Variants in FSIP2 observed in about 807,000 individuals in gnomAD.
FSIP2 encodes the protein fibrous sheath-interacting protein 2.
Under a neutral mutation model 510.5 loss-of-function variants are expected in FSIP2, and 367 were observed. The observed-to-expected ratio is 0.72, with a 90% CI of 0.66 to 0.78. FSIP2 has a LOEUF of 0.78. Among genes scored for constraint, FSIP2 ranks in the 30% least tolerant of loss-of-function variants. The probability of loss-of-function intolerance (pLI) is 0.00; values close to 1 mark genes in which losing one functional copy is unlikely to be tolerated. For missense variants in FSIP2, 7,594 were observed against 7,901.7 expected (o/e 0.96, Z 1.48); for synonymous variants, 2,601 against 2,732.2 (o/e 0.95, Z 1.50).
chr2:185,788,266 A>G (rs1270146200), intron 15 of FSIP2: 4 of 153,590 alleles, frequency 2.6e-5, no homozygotes, highest in Non-Finnish European at 5.8e-5. Flanking sequence ...AATTAGCTGG[A>G]TCATAAACAT....
intron 14 of FSIP2, among the ~76,000 whole-genome samples, chr2:185,784,977 CCTGA>C (rs1692933646): frequency 6.6e-6 from 1 of 152,042 alleles, no homozygotes; most frequent in South Asian, 2.1e-4. Context: ...TTTTCAGTTT[CCTGA>C]CTAATTTTAC....
Position 185,793,814 on chromosome 2 carries a change from T to A in FSIP2, c.6678T>A (p.Asp2226Glu), listed in dbSNP as rs1444211280. 14 of 1,532,792 alleles carry A rather than the reference T, an allele frequency of 9.1e-6. No homozygotes were observed. Among genetic ancestry groups the A allele is most frequent in the Non-Finnish European group, 1.2e-5 (14 of 1,145,348 alleles). 94.9% of individuals were successfully genotyped at this position (1,532,792 alleles called of 1,614,324 possible). Residue 2226 changes from aspartate (D) to glutamate (E), a missense_variant, in exon 16 of 23, where the codon GAT becomes GAA. Coordinates refer to ENST00000424728, the MANE Select transcript of FSIP2 (RefSeq NM_173651.4). Reference protein sequence around the residue: ...YSRNQKSAYADDNQITVVEKE... With the variant: ...YSRNQKSAYAEDNQITVVEKE... ...GAAATCAGAAATCAGCTTATGCTGA[T>A]GATAATCAGATAACTGTAGTAGAGA...
In FSIP2 at chr2:185,800,811, A is replaced by T; in HGVS notation, c.11505A>T (p.Thr3835=). 6.5e-7 allele frequency: 1 copy of T among 1,534,426 alleles called. No individual in the cohort carries two copies. Among genetic ancestry groups the T allele is most frequent in the Non-Finnish European group, 8.7e-7 (1 of 1,145,634 alleles). Residue 3835 remains threonine, a synonymous_variant, in exon 17 of 23, where the codon ACA becomes ACT. Transcript: ENST00000424728. ...CAGAAATTGATCAAGACTTATTGAC[A>T]TCAGACTCTATGCTTACTATTATTT... ...NVAEIDQDLL[T]SDSMLTIISH...
chr2:185,814,087 C>A (rs377302785), intron 18 of FSIP2, 45 bp downstream of exon 18: 1 of 1,541,956 alleles, frequency 6.5e-7, no homozygotes, highest in Non-Finnish European at 8.8e-7. Context: ...GGGGAGACAT[C>A]TTCACAAATC....
chr2:185,814,545 A>T (rs561375597), intron 18 of FSIP2, among the ~76,000 whole-genome samples: 2 of 152,162 alleles, frequency 1.3e-5, no homozygotes, highest in South Asian at 4.1e-4. Context: ...AAGTTAATTC[A>T]TATATTTTAA....
intron 14 of FSIP2, among the ~76,000 whole-genome samples, chr2:185,784,420 A>G (rs2105600027): frequency 6.6e-6 from 1 of 152,214 alleles, no homozygotes; most frequent in East Asian, 1.9e-4. Flanking sequence ...AGCATACACA[A>G]TGAATAACTT....
chr2:185,820,360 A>G (rs1250134961), intron 19 of FSIP2, among the ~76,000 whole-genome samples: 1 of 151,900 alleles, frequency 6.6e-6, no homozygotes, highest in Non-Finnish European at 1.5e-5. Flanking sequence ...CTGTGACTCA[A>G]TTAAACCTCT....
chr2:185,764,372 A>G, intron 12 of FSIP2, 130 bp from the exon 13 acceptor site: 1 of 535,438 alleles, frequency 1.9e-6, no homozygotes, highest in Non-Finnish European at 3.3e-6. Flanking sequence ...CATTTCTTAT[A>G]AATTGACATT....
chr2:185,758,750 C>T (rs1299394976), intron 9 of FSIP2, among the ~76,000 whole-genome samples: 2 of 151,172 alleles, frequency 1.3e-5, no homozygotes, highest in African/African-American at 4.8e-5. Context: ...GCTTTGGCAA[C>T]TTTGAAAATA....
rs1445316328 is a variant in FSIP2 at position 185,804,838 on chromosome 2, A to G, written c.15532A>G (p.Asn5178Asp). ...GATTCGACTTTCCATGGCAGAGGAT[A>G]ATGCAGAAAGTATGCAGTTAGAACC... ...HEIRLSMAED[N>D]AESMQLEPIE... The change falls in exon 17 of 23, where the codon AAT becomes GAT. Residue 5178 changes from asparagine to aspartate, a missense_variant. By Grantham distance (23) the Asn-to-Asp change is conservative. Transcript: ENST00000424728. The G allele has an allele frequency of 1.1e-5, 17 of 1,531,492 alleles. No homozygotes were observed. The highest frequency in any genetic ancestry group is 1.5e-5 in the Non-Finnish European group (17 of 1,144,554). The allele number at this position is 1,531,492 out of a possible 1,614,324, so 94.9% of individuals were successfully genotyped here. A position where few individuals can be genotyped will look rare whatever the true frequency, so the allele number is the denominator to read the frequency against.
At chr2:185,778,140 T>A (rs988357109) in intron 13 of FSIP2, among the ~76,000 whole-genome samples, 1 of 152,022 alleles carries the variant, frequency 6.6e-6, no homozygotes, top group Non-Finnish European at 1.5e-5. Flanking sequence ...TTATAATATA[T>A]CCTATTTATT....
At chr2:185,786,515 T>C (rs1402532338) in intron 15 of FSIP2, among the ~76,000 whole-genome samples, 1 of 151,998 alleles carries the variant, frequency 6.6e-6, no homozygotes, top group East Asian at 1.9e-4. Flanking sequence ...CAAGACGAGG[T>C]CTCATGGGTA....
chr2:185,756,264 A>G lies in FSIP2; in HGVS notation c.1064A>G (p.Tyr355Cys), dbSNP rs962786763. The G allele has an allele frequency of 8.1e-7, 1 of 1,238,182 alleles. No homozygotes were observed. Among genetic ancestry groups the G allele is most frequent in the Non-Finnish European group, 1.1e-6 (1 of 904,440 alleles). The allele number at this position is 1,238,182 out of a possible 1,614,324, so 76.7% of individuals were successfully genotyped here. A position where few individuals can be genotyped will look rare whatever the true frequency, so the allele number is the denominator to read the frequency against. The change falls in exon 9 of 23, where the codon TAT (tyrosine) becomes TGT (cysteine). Residue 355 changes from tyrosine (Y) to cysteine (C), a missense_variant. Tyr to Cys is a radical substitution (Grantham distance 194). Coordinates refer to ENST00000424728, the MANE Select transcript of FSIP2 (RefSeq NM_173651.4). ...LVYPAGDQNT[Y>C]KETHGHTANA... ...TATCCTGCTGGAGACCAGAATACAT[A>G]TAAAGAAACACATGGTAATTGAATA... is the stretch of plus-strand genomic sequence containing the variant.
chr2:185,814,657 C>T (rs1278695107), intron 18 of FSIP2, among the ~76,000 whole-genome samples: 2 of 151,954 alleles, frequency 1.3e-5, no homozygotes, highest in Non-Finnish European at 2.9e-5. Context: ...TCTCAATGAC[C>T]TTTTGAGTTT....
At chr2:185,826,817 A>T (rs1188469434) in intron 20 of FSIP2, among the ~76,000 whole-genome samples, 1 of 151,834 alleles carries the variant, frequency 6.6e-6, no homozygotes, top group Admixed American at 6.6e-5. Context: ...TTATGTTGAG[A>T]TTGAGGTGTC....
At chr2:185,786,618 A>G (rs1220061067) in intron 15 of FSIP2, among the ~76,000 whole-genome samples, 1 of 151,900 alleles carries the variant, frequency 6.6e-6, no homozygotes, top group African/African-American at 2.4e-5. Context: ...ATTAATCAAT[A>G]AGGCCTTTCA....
intron 19 of FSIP2, among the ~76,000 whole-genome samples, chr2:185,823,177 C>T (rs973274093): frequency 3.3e-5 from 5 of 151,668 alleles, no homozygotes; most frequent in African/African-American, 9.7e-5. Context: ...TGTTATGATA[C>T]CAAAGCACAA....
At position 185,761,989 on chromosome 2, in the gene FSIP2, T is replaced by C; in HGVS notation, c.1212T>C (p.Ser404=). ...CCATGTAGAGAGATGGGATGGTATC[T>C]AAAAACTCAAGTATTTTCGATGATA... ...GINQKRDGMV[S]KNSSIFDDRG... The change falls in exon 11 of 23, where the codon TCT becomes TCC. Residue 404 remains serine, a synonymous_variant. Coordinates refer to ENST00000424728, the MANE Select transcript of FSIP2 (RefSeq NM_173651.4). The C allele has an allele frequency of 6.7e-7, 1 of 1,487,168 alleles. No homozygotes were observed. The highest frequency in any genetic ancestry group is 9.0e-7 in the Non-Finnish European group (1 of 1,105,440). 92.1% of individuals were successfully genotyped at this position (1,487,168 alleles called of 1,614,324 possible). A position where few individuals can be genotyped will look rare whatever the true frequency, so the allele number is the denominator to read the frequency against.
In FSIP2 at chr2:185,746,672, T is replaced by C. The variant is rs1692039650; in HGVS notation, c.621T>C (p.Tyr207=). Residue 207 remains tyrosine (Y), a synonymous_variant, in exon 6 of 23, where the codon TAT becomes TAC. Transcript: ENST00000424728. ...CAATATTTGCACTCTTACTCAGATA[T>C]TTGGATATGATAAGTAGAAAACTAG... ...KDQERLMRHR[Y]LDMISRKLEQ... is the part of the protein sequence containing the mutation. 2.0e-6 allele frequency: 3 copies of C among 1,509,246 alleles called. No individual in the cohort carries two copies. Among genetic ancestry groups the C allele is most frequent in the Middle Eastern group, 3.4e-4 (2 of 5,826 alleles). 93.5% of individuals were successfully genotyped at this position (1,509,246 alleles called of 1,614,324 possible). A position where few individuals can be genotyped will look rare whatever the true frequency, so the allele number is the denominator to read the frequency against.
Sources: allele counts gnomAD v4.1 joint callset (sites outside exome capture counted in the v4.1 genomes callset), GRCh38; gene constraint gnomAD v4.1.1; transcripts MANE v1.5; gene names NCBI Gene and HGNC (gene_info 2026-07-23, HGNC 2026-07-21).